Variants in PCDHGA7 observed in about 807,000 individuals in gnomAD.
PCDHGA7 encodes protocadherin gamma subfamily A, 7.
Under a neutral mutation model 58.3 loss-of-function variants are expected in PCDHGA7, and 44 were observed. The observed-to-expected ratio is 0.75, with a 90% CI of 0.59 to 0.97. The LOEUF (loss-of-function observed/expected upper bound fraction) is 0.97. Among genes scored for constraint, PCDHGA7 ranks in the 50% least tolerant of loss-of-function variants. The pLI is 0.00. For synonymous variants in PCDHGA7, 516 were observed against 504.2 expected, an observed-to-expected ratio of 1.02 and a Z score of -0.31; for missense variants, 1,266 against 1,188.7, an observed-to-expected ratio of 1.06 and a Z score of -0.96.
At chr5:141,394,513 T>C in intron 1 of PCDHGA7, 1 of 1,614,112 alleles carries the variant, frequency 6.2e-7, no homozygotes, top group Non-Finnish European at 8.5e-7. Flanking sequence ...TACCCCGCCC[T>C]CCCCACAGAC....
intron 1 of PCDHGA7, chr5:141,398,796 C>G (rs765198482): frequency 8.1e-6 from 13 of 1,613,920 alleles, no homozygotes; most frequent in Middle Eastern, 1.6e-4. Context: ...CACCCCTAAG[C>G]GGCACCACTG....
chr5:141,385,576 A>G, intron 1 of PCDHGA7: 1 of 1,288,582 alleles, frequency 7.8e-7, no homozygotes, highest in Non-Finnish European at 9.8e-7. Context: ...CTACTTTCCA[A>G]TCTATGTTCC....
At chr5:141,457,820 C>CTCAG (rs2098930320) in intron 1 of PCDHGA7, among the ~76,000 whole-genome samples, 1 of 152,198 alleles carries the variant, frequency 6.6e-6, no homozygotes, top group African/African-American at 2.4e-5. Flanking sequence ...CCAAGATAAA[C>CTCAG]TCAGAGCTTC....
intron 1 of PCDHGA7, chr5:141,414,961 G>T: frequency 6.2e-7 from 1 of 1,614,028 alleles, no homozygotes; most frequent in South Asian, 1.1e-5. Flanking sequence ...GACCAAGGTG[G>T]TGGCGGTGGA....
intron 1 of PCDHGA7, chr5:141,424,478 G>A (rs953233220): frequency 3.3e-5 from 5 of 151,898 alleles, no homozygotes; most frequent in Admixed American, 6.6e-5. Context: ...CTTTTACTTT[G>A]GTGTCTGTGT....
At chr5:141,390,969 G>A (rs1232299434) in intron 1 of PCDHGA7, 5 of 152,168 alleles carry the variant, frequency 3.3e-5, no homozygotes, top group African/African-American at 4.8e-5. Flanking sequence ...TGTAACATAG[G>A]AGTTTCAGGA....
intron 1 of PCDHGA7, chr5:141,433,325 C>CA: frequency 2.8e-6 from 2 of 726,266 alleles, no homozygotes; most frequent in Non-Finnish European, 4.5e-6. Context: ...TCCGGTGTAA[C>CA]AGGGACTACA....
chr5:141,478,139 G>C, intron 1 of PCDHGA7: 15 of 1,614,040 alleles, frequency 9.3e-6, no homozygotes, highest in Non-Finnish European at 1.3e-5. Context: ...TGAAGCCCGA[G>C]CCGAGTTCCC....
At chr5:141,423,617 A>T (rs1426014397) in intron 1 of PCDHGA7, 3 of 1,608,486 alleles carry the variant, frequency 1.9e-6, no homozygotes, top group Admixed American at 1.7e-5. Flanking sequence ...ATAGCTGAAG[A>T]CTCAGCTATC....
At chr5:141,422,965 C>T (rs2096693602) in intron 1 of PCDHGA7, 2 of 1,614,116 alleles carry the variant, frequency 1.2e-6, no homozygotes, top group African/African-American at 2.7e-5. Context: ...GGAGCTGGCG[C>T]CCCGCTCTGC....
chr5:141,395,016 G>GTGCC (rs1354536790), intron 1 of PCDHGA7: 2 of 1,613,950 alleles, frequency 1.2e-6, no homozygotes, highest in Non-Finnish European at 1.7e-6. Flanking sequence ...ATTGGTAGGC[G>GTGCC]TGCCTGCCTC....
At chr5:141,400,830 T>G (rs1194053653) in intron 1 of PCDHGA7, among the ~76,000 whole-genome samples, 2 of 152,244 alleles carry the variant, frequency 1.3e-5, no homozygotes, top group African/African-American at 2.4e-5. Flanking sequence ...GTTGTCTCAT[T>G]CTTTAACATG....
Position 141,427,970 on chromosome 5 carries a change from C to A in PCDHGA7, c.2424+42647C>A, listed in dbSNP as rs760792774. On this transcript the variant is annotated intron_variant, in intron 1 of 3. Coordinates refer to ENST00000518325, the MANE Select transcript of PCDHGA7 (RefSeq NM_018920.4). ...ATGACAATGTGCCGCGGGTGCTGTA[C>A]CCCGCGCTGGGGCCCGATGGCTCCG... 1.9e-6 allele frequency: 3 copies of A among 1,592,510 alleles called. No individual in the cohort carries two copies. The Admixed American group carries it at 5.0e-5, about 27-fold the overall frequency.
At position 141,474,199 on chromosome 5, in the gene PCDHGA7, G is replaced by C. The variant is rs74540928; in HGVS notation, c.2425-20608G>C. Reference sequence around the variant, plus strand: ...AAAACTACTTACATTTTTAAAAGCTGATTTTCAAAAACCAGATTGTGAATT... The same window carrying C: ...AAAACTACTTACATTTTTAAAAGCTCATTTTCAAAAACCAGATTGTGAATT... On this transcript the variant is annotated intron_variant, in intron 1 of 3. Transcript: ENST00000518325. Among the ~76,000 whole-genome samples, 85 of 152,308 alleles carry C rather than the reference G, an allele frequency of 5.6e-4. 1 individual carries two copies. In the East Asian group the frequency reaches 0.016, roughly 29 times the overall value.
In PCDHGA7 at chr5:141,486,518, A is replaced by G; in HGVS notation, c.2425-8289A>G. The G allele has an allele frequency of 6.2e-7, 1 of 1,614,132 alleles. No homozygotes were observed. Among genetic ancestry groups the G allele is most frequent in the Non-Finnish European group, 8.5e-7 (1 of 1,179,996 alleles). On this transcript the variant is annotated intron_variant, in intron 1 of 3. Coordinates refer to ENST00000518325, the MANE Select transcript of PCDHGA7 (RefSeq NM_018920.4). The surrounding 1 kb of genome is among the most constrained non-coding windows in gnomAD (Gnocchi z 5.0). ...TATTTTCCTCAATATTTCAGATGTG[A>G]ATGATAATCCACCCTCTTTCTTTCA...
At chr5:141,444,471 G>A (rs929365899) in intron 1 of PCDHGA7, among the ~76,000 whole-genome samples, 1 of 151,876 alleles carries the variant, frequency 6.6e-6, no homozygotes, top group Non-Finnish European at 1.5e-5. Flanking sequence ...GCGCCCGGTC[G>A]CGTACTGGAT....
At chr5:141,415,252 C>T (rs895920596) in intron 1 of PCDHGA7, 5 of 1,614,098 alleles carry the variant, frequency 3.1e-6, no homozygotes, top group Non-Finnish European at 4.2e-6. Context: ...AACCTCAGAC[C>T]TCACTCTGTA....
At chr5:141,421,601 T>C (rs1309928984) in intron 1 of PCDHGA7, 19 of 1,613,652 alleles carry the variant, frequency 1.2e-5, no homozygotes, top group Non-Finnish European at 1.6e-5. Context: ...GTGGAAATAA[T>C]AGATATTAAT....
chr5:141,487,475 C>A lies in PCDHGA7; in HGVS notation c.2425-7332C>A. 6.2e-7 allele frequency: 1 copy of A among 1,614,156 alleles called. No individual in the cohort carries two copies. The highest frequency in any genetic ancestry group is 8.5e-7 in the Non-Finnish European group (1 of 1,180,032). On this transcript the variant is annotated intron_variant, in intron 1 of 3. Transcript: ENST00000518325. This position sits in a 1 kb window ranked among gnomAD's most constrained non-coding sequence, Gnocchi z 5.0. ...TATCAAGTTTGTTGATGTGGGAGGC[C>A]ACTCTCATGGCTGTACACCCTTGGC...
Sources: allele counts gnomAD v4.1 joint callset (sites outside exome capture counted in the v4.1 genomes callset), GRCh38; gene constraint gnomAD v4.1.1; non-coding constraint Gnocchi (gnomAD v3.1); transcripts MANE v1.5; gene names NCBI Gene and HGNC (gene_info 2026-07-23, HGNC 2026-07-21).